The following CLINT1 variants were observed in gnomAD, a reference collection of about 807,000 sequenced individuals.
The protein encoded by CLINT1 is clathrin interacting protein localized in the trans-Golgi region.
In CLINT1, 15 loss-of-function variants were observed where a neutral mutation model predicts 70.4. The observed-to-expected ratio is 0.21, with a 90% confidence interval of 0.14 to 0.33. CLINT1 has a LOEUF of 0.33. CLINT1 is among the 10% of genes least tolerant of loss of function. The pLI, the probability that CLINT1 is intolerant of heterozygous loss-of-function variation, is 1.00. For synonymous variants in CLINT1, 227 were observed against 254.7 expected (o/e 0.89, Z 1.04); for missense variants, 615 against 778.1 (o/e 0.79, Z 2.49).
intron 1 of CLINT1, among the ~76,000 whole-genome samples, chr5:157,825,282 T>TAAACAGAA (rs1763001451): frequency 1.3e-5 from 2 of 152,180 alleles, no homozygotes; most frequent in Admixed American, 6.5e-5. Flanking sequence ...ATGCATCTTC[T>TAAACAGAA]GTTTTCCTCT....
At chr5:157,852,956 C>G (rs2113337886) in intron 1 of CLINT1, among the ~76,000 whole-genome samples, 1 of 152,306 alleles carries the variant, frequency 6.6e-6, no homozygotes, top group Non-Finnish European at 1.5e-5. Context: ...AAAAAGTTAA[C>G]TGTATATAAG....
In CLINT1 at chr5:157,850,951, T is replaced by C. The variant is rs540438300; in HGVS notation, c.41+7979A>G. Reference sequence around the variant, plus strand: ...CTGGGACTATAGGCATGCATCACCATGTCCGGCTAATTTTTTAATTTTTTT... The same window carrying C: ...CTGGGACTATAGGCATGCATCACCACGTCCGGCTAATTTTTTAATTTTTTT... On this transcript the variant is annotated intron_variant, in intron 1 of 11. Coordinates refer to ENST00000411809, the MANE Select transcript of CLINT1 (RefSeq NM_014666.4). Among the ~76,000 whole-genome samples, 250 of 152,226 alleles carry C rather than the reference T, an allele frequency of 1.6e-3. 1 individual carries two copies. The highest frequency in any genetic ancestry group is 2.1e-3 in the Non-Finnish European group (142 of 68,008).
chr5:157,852,528 T>C (rs1753609625), intron 1 of CLINT1, among the ~76,000 whole-genome samples: 1 of 152,250 alleles, frequency 6.6e-6, no homozygotes, highest in South Asian at 2.1e-4. Flanking sequence ...TTTCTAGTGT[T>C]ATACTGTTTT....
intron 1 of CLINT1, among the ~76,000 whole-genome samples, chr5:157,842,378 C>T (rs1051481305): frequency 2.0e-5 from 3 of 152,066 alleles, no homozygotes; most frequent in African/African-American, 4.8e-5. Flanking sequence ...GGCATGAATC[C>T]GGGAGGCGGA....
chr5:157,845,222 G>A (rs1399262416), intron 1 of CLINT1, among the ~76,000 whole-genome samples: 5 of 152,008 alleles, frequency 3.3e-5, no homozygotes, highest in African/African-American at 7.2e-5. Context: ...GGTGGCACAC[G>A]CTTGTAATCC....
intron 1 of CLINT1, among the ~76,000 whole-genome samples, chr5:157,825,245 T>C (rs1156805440): frequency 6.6e-6 from 1 of 152,164 alleles, no homozygotes; most frequent in African/African-American, 2.4e-5. Context: ...TGGCTTCAAC[T>C]ATGTACACAA....
In CLINT1 at chr5:157,810,401, T is replaced by C. The variant is rs543483510; in HGVS notation, c.518-596A>G. ...CCGTAATTACTGTACAAAGAAAGGATTACTCTAACTACCAAAAACTACACA... is the reference window on the plus strand; with the variant it reads ...CCGTAATTACTGTACAAAGAAAGGACTACTCTAACTACCAAAAACTACACA... On this transcript the variant is annotated intron_variant, in intron 5 of 11. Coordinates refer to ENST00000411809, the MANE Select transcript of CLINT1 (RefSeq NM_014666.4). 4.4e-4 allele frequency among the ~76,000 whole-genome samples: 67 copies of C among 152,230 alleles called. 1 individual carries two copies. Among genetic ancestry groups the C allele is most frequent in the South Asian group, 2.1e-3 (10 of 4,832 alleles).
intron 11 of CLINT1, 130 bp from the exon 12 acceptor site, chr5:157,788,122 T>C (rs1291689602): frequency 1.3e-6 from 1 of 766,246 alleles, no homozygotes; most frequent in Non-Finnish European, 2.2e-6. Context: ...TACAGTGATT[T>C]TATTAGAAAT....
intron 8 of CLINT1, among the ~76,000 whole-genome samples, chr5:157,797,213 T>TA (rs1418195075): frequency 6.6e-6 from 1 of 152,222 alleles, no homozygotes; most frequent in Admixed American, 6.5e-5. Flanking sequence ...TCCTTTATGT[T>TA]AAAAACATTG....
At chr5:157,804,239 G>C (rs2113171196) in intron 7 of CLINT1, among the ~76,000 whole-genome samples, 1 of 152,078 alleles carries the variant, frequency 6.6e-6, no homozygotes, top group East Asian at 1.9e-4. Context: ...ATGAACCTTA[G>C]CAAAACTTAT....
At position 157,816,820 on chromosome 5, in the gene CLINT1, T is replaced by TAAA; in HGVS notation, c.154_156dup (p.Phe52dup). 6.2e-7 allele frequency: 1 copy of TAAA among 1,605,782 alleles called. No individual in the cohort carries two copies. The highest frequency in any genetic ancestry group is 8.5e-7 in the Non-Finnish European group (1 of 1,176,834). On this transcript the variant is annotated inframe_insertion, in exon 3 of 12. Coordinates refer to ENST00000411809, the MANE Select transcript of CLINT1 (RefSeq NM_014666.4). ...ATAAGTTCTGGAAATTGTTCATACA[T>TAAA]AAATGTAGCCCTGAAAAAAGAATCA...
rs117123359 is a variant in CLINT1, at chr5:157,824,572, T to C, written c.42-7025A>G. 1.4e-3 allele frequency among the ~76,000 whole-genome samples: 212 copies of C among 152,248 alleles called. 6 individuals are homozygous for C. In the East Asian group the frequency reaches 0.036, roughly 26 times the overall value. On this transcript the variant is annotated intron_variant, in intron 1 of 11. Coordinates refer to ENST00000411809, the MANE Select transcript of CLINT1 (RefSeq NM_014666.4). ...AAAAGTCTTAACACAAGCGACAACA[T>C]AGCGCAGTAGAAGAGATAATTTTGC...
chr5:157,827,322 A>T (rs147655522), intron 1 of CLINT1, among the ~76,000 whole-genome samples: 41 of 152,304 alleles, frequency 2.7e-4, no homozygotes, highest in African/African-American at 9.6e-4. Flanking sequence ...TATAGAAGCA[A>T]GGACTAAAAT....
chr5:157,792,052 T>A, intron 9 of CLINT1, 57 bp from the exon 10 acceptor site: 1 of 1,467,308 alleles, frequency 6.8e-7, no homozygotes, highest in Non-Finnish European at 9.3e-7. Context: ...AGAACAAATG[T>A]AACAATCTAT....
chr5:157,836,008 T>A (rs1486125113), intron 1 of CLINT1, among the ~76,000 whole-genome samples: 1 of 152,230 alleles, frequency 6.6e-6, no homozygotes, highest in African/African-American at 2.4e-5. Context: ...TTCTTTTATA[T>A]AGACAATTTT....
At chr5:157,856,566 G>A (rs897259333) in intron 1 of CLINT1, among the ~76,000 whole-genome samples, 24 of 152,122 alleles carry the variant, frequency 1.6e-4, no homozygotes, top group African/African-American at 1.2e-4. Flanking sequence ...ATGGATGCAC[G>A]TCTATTATGG....
intron 1 of CLINT1, among the ~76,000 whole-genome samples, chr5:157,834,567 TGTTTC>T (rs1763355584): frequency 6.6e-6 from 1 of 152,356 alleles, no homozygotes; most frequent in South Asian, 2.1e-4. Context: ...TCATTCCCTC[TGTTTC>T]GTTTCCTTTA....
intron 8 of CLINT1, among the ~76,000 whole-genome samples, chr5:157,802,616 G>A (rs148768250): frequency 2.1e-3 from 317 of 149,202 alleles, no homozygotes; most frequent in African/African-American, 7.4e-3. Flanking sequence ...CGCAATCTCC[G>A]TTCACTGCAA....
In CLINT1 at chr5:157,805,978, C is replaced by T. The variant is rs759848384; in HGVS notation, c.830G>A (p.Arg277His). 40 of 1,613,682 alleles carry T rather than the reference C, an allele frequency of 2.5e-5. No individual in the cohort carries two copies. The highest frequency in any genetic ancestry group is 2.1e-4 in the South Asian group (19 of 91,050). ...ATETTTTRHKRTANPSKTIDL... is the reference protein window; with the variant it reads ...ATETTTTRHKHTANPSKTIDL... ...AATGGTTTTGGAAGGATTTGCTGTG[C>T]GCTTGTGTCTGGTTGTGGTGGTCTC... Residue 277 changes from arginine (R) to histidine (H), a missense_variant, in exon 7 of 12, where the codon CGC becomes CAC. Physicochemically the swap from Arg to His is conservative, Grantham distance 29. This residue lies in a region of CLINT1 where 241 missense variants were observed against 368.6 expected (regional missense o/e 0.65). Transcript: ENST00000411809.
Sources: allele counts gnomAD v4.1 joint callset (sites outside exome capture counted in the v4.1 genomes callset), GRCh38; gene constraint gnomAD v4.1.1; regional missense constraint gnomAD v4.1.1; transcripts MANE v1.5; gene names NCBI Gene and HGNC (gene_info 2026-07-23, HGNC 2026-07-21).